ERBIN: variants seen among roughly 807,000 people sequenced by gnomAD.
ERBIN encodes the protein densin-180-like protein.
ERBIN carries 60 observed loss-of-function variants against 158.4 expected under a neutral mutation model. The observed-to-expected ratio is 0.38, with a 90% confidence interval of 0.31 to 0.47. The LOEUF (loss-of-function observed/expected upper bound fraction) is 0.47, where lower values mean the gene tolerates loss of function less well. ERBIN is among the 20% of genes least tolerant of loss of function. The pLI, the probability that ERBIN is intolerant of heterozygous loss-of-function variation, is 0.99. For missense variants in ERBIN, 1,610 were observed against 1,648.0 expected (o/e 0.98, Z 0.40); for synonymous variants, 594 against 557.2 (o/e 1.07, Z -0.93).
rs114455872 is a variant in ERBIN, at chr5:66,081,982, A to G, written c.*3452A>G. ...CCTTTGTTTCTAAATAAGGACCTTC[A>G]GAAAAAGTTGACCATATTCTACCTA... On this transcript the variant is annotated 3_prime_UTR_variant, in exon 26 of 26. Transcript: ENST00000284037. 18 of 152,264 alleles carry G rather than the reference A, an allele frequency of 1.2e-4. No individual in the cohort carries two copies. The highest frequency in any genetic ancestry group is 4.1e-4 in the African/African-American group (17 of 41,570). The allele number at this position is 152,264 out of a possible 1,614,324, so 9.4% of individuals were successfully genotyped here. A position where few individuals can be genotyped will look rare whatever the true frequency, so the allele number is the denominator to read the frequency against.
chr5:66,003,219 C>T (rs1326733308), intron 4 of ERBIN, among the ~76,000 whole-genome samples: 3 of 152,192 alleles, frequency 2.0e-5, no homozygotes, highest in African/African-American at 7.2e-5. Flanking sequence ...TTAAATTCAA[C>T]AACTGGGACA....
chr5:66,013,041 G>T (rs866556935), intron 5 of ERBIN, among the ~76,000 whole-genome samples: 7 of 152,106 alleles, frequency 4.6e-5, no homozygotes, highest in African/African-American at 1.7e-4. Context: ...TCACAGTGGG[G>T]TATTTGTGTG....
chr5:66,023,646 C>T (rs913250740), intron 9 of ERBIN, among the ~76,000 whole-genome samples: 3 of 150,208 alleles, frequency 2.0e-5, no homozygotes, highest in African/African-American at 7.4e-5. Flanking sequence ...AATTGGTAAA[C>T]TAGGATATTT....
At chr5:66,051,159 A>G (rs1232012402) in intron 20 of ERBIN, among the ~76,000 whole-genome samples, 193 bp downstream of exon 20, 2 of 152,168 alleles carry the variant, frequency 1.3e-5, no homozygotes, top group African/African-American at 4.8e-5. Context: ...AGATTTTTAA[A>G]TGGGGAAGAA....
intron 1 of ERBIN, among the ~76,000 whole-genome samples, chr5:65,946,909 A>G (rs151174701): frequency 7.5e-4 from 114 of 151,182 alleles, no homozygotes; most frequent in Middle Eastern, 6.8e-3. Context: ...TAACTGTGCT[A>G]TTCAACATCT....
At chr5:66,059,299 A>G (rs1399105292) in intron 21 of ERBIN, among the ~76,000 whole-genome samples, 1 of 152,152 alleles carries the variant, frequency 6.6e-6, no homozygotes, top group Non-Finnish European at 1.5e-5. Flanking sequence ...CTTTGAAGCA[A>G]TTGTGAATGG....
At chr5:66,014,386 T>C (rs1016378700) in intron 6 of ERBIN, among the ~76,000 whole-genome samples, 1 of 152,176 alleles carries the variant, frequency 6.6e-6, no homozygotes, top group Non-Finnish European at 1.5e-5. Flanking sequence ...TGAGCATTTT[T>C]GGTAAAAGGT....
At chr5:66,057,997 G>A (rs569708631) in intron 21 of ERBIN, among the ~76,000 whole-genome samples, 6 of 152,044 alleles carry the variant, frequency 3.9e-5, no homozygotes, top group Admixed American at 6.5e-5. Context: ...ATAAACATAC[G>A]TGTGCATGTG....
chr5:66,051,781 G>C (rs1406409312), intron 20 of ERBIN, among the ~76,000 whole-genome samples: 1 of 151,968 alleles, frequency 6.6e-6, no homozygotes, highest in Non-Finnish European at 1.5e-5. Context: ...TGTAGTCCCA[G>C]CTACCTGGGA....
At chr5:66,018,548 ATATATTATATAATATATAT>A (rs1203586535) in intron 7 of ERBIN, among the ~76,000 whole-genome samples, 1 of 10,168 alleles carries the variant, frequency 9.8e-5, no homozygotes, top group African/African-American at 6.7e-4. Context: ...AATATATATT[ATATATTATATAATATATAT>A]TATATTATAT....
At position 66,056,761 on chromosome 5, in the gene ERBIN, C is replaced by T. The variant is rs889515739; in HGVS notation, c.3633+1810C>T. ...AACTCCCATTTTCAAGGATATCATA[C>T]TTTGAAGTTACGAGGGGTGCTTGTT... On this transcript the variant is annotated intron_variant, in intron 21 of 25. Coordinates refer to ENST00000284037, the MANE Select transcript of ERBIN (RefSeq NM_001253697.2). Among the ~76,000 whole-genome samples, 14 of 152,154 alleles carry T rather than the reference C, an allele frequency of 9.2e-5. 1 individual carries two copies. The highest frequency in any genetic ancestry group is 6.2e-4 in the South Asian group (3 of 4,830).
At chr5:65,958,428 G>T (rs556290125) in intron 1 of ERBIN, among the ~76,000 whole-genome samples, 1 of 134,480 alleles carries the variant, frequency 7.4e-6, no homozygotes, top group African/African-American at 2.8e-5. Context: ...AGACCAGCCC[G>T]GCCAACACAG....
chr5:65,976,157 G>A (rs915018274), intron 1 of ERBIN, among the ~76,000 whole-genome samples: 8 of 152,234 alleles, frequency 5.3e-5, no homozygotes, highest in African/African-American at 1.9e-4. Context: ...TATCTTATGG[G>A]GAAGAGTTTA....
At position 66,048,708 on chromosome 5, in the gene ERBIN, G is replaced by A. The variant is rs759583317; in HGVS notation, c.1830G>A (p.Ala610=). ...ELSSDEEMKM[A]EMRPPLIETS... is the part of the protein sequence containing the mutation. ...CTTCTGATGAAGAGATGAAAATGGC[G>A]GAGATGCGACCACCATTAATTGAAA... The change falls in exon 19 of 26, where the codon GCG becomes GCA. Residue 610 remains alanine (A), a synonymous_variant. Transcript: ENST00000284037. 48 of 1,608,494 alleles carry A rather than the reference G, an allele frequency of 3.0e-5. No homozygotes were observed. Among genetic ancestry groups the A allele is most frequent in the South Asian group, 5.6e-5 (5 of 89,766 alleles).
chr5:65,980,871 T>C (rs1203152119), intron 1 of ERBIN, among the ~76,000 whole-genome samples: 1 of 152,210 alleles, frequency 6.6e-6, no homozygotes, highest in African/African-American at 2.4e-5. Context: ...GAGATGCCTA[T>C]ACTTTTCGAT....
At chr5:66,043,909 A>C (rs992331864) in intron 16 of ERBIN, among the ~76,000 whole-genome samples, 1 of 152,192 alleles carries the variant, frequency 6.6e-6, no homozygotes, top group African/African-American at 2.4e-5. Flanking sequence ...GAAATATTTG[A>C]GTCTGATAAA....
At chr5:65,956,398 G>A (rs939197068) in intron 1 of ERBIN, among the ~76,000 whole-genome samples, 2 of 35,920 alleles carry the variant, frequency 5.6e-5, no homozygotes, top group African/African-American at 3.7e-4. Context: ...TTTTGAGATG[G>A]AGTCTCGCTT....
chr5:65,981,172 C>T (rs1198811934), intron 1 of ERBIN, among the ~76,000 whole-genome samples: 1 of 152,050 alleles, frequency 6.6e-6, no homozygotes, highest in African/African-American at 2.4e-5. Context: ...TTAAGGAAGT[C>T]AATTTTGAAC....
At chr5:66,026,509 T>G (rs1245632208) in intron 13 of ERBIN, 92 bp downstream of exon 13, 1 of 553,408 alleles carries the variant, frequency 1.8e-6, no homozygotes, top group East Asian at 3.3e-5. Context: ...TAGCTAGTGC[T>G]TGTTGCTCTT....
Sources: gnomAD v4.1 joint callset for allele counts (sites outside exome capture counted in the v4.1 genomes callset) on GRCh38, gnomAD v4.1.1 for gene constraint, MANE v1.5 for transcripts, NCBI Gene and HGNC (gene_info 2026-07-23, HGNC 2026-07-21) for gene names.